Variants in CC2D2B observed in about 807,000 individuals in gnomAD.
CC2D2B encodes the protein coiled-coil and C2 domain containing 2B.
A neutral mutation model predicts 161.2 loss-of-function variants in CC2D2B; 128 were observed. The ratio of observed to expected loss-of-function variants is 0.79; its 90% CI spans 0.69 to 0.92. The LOEUF is 0.92. Among genes scored for constraint, CC2D2B ranks in the 40% least tolerant of loss-of-function variants. The pLI, the probability that CC2D2B is intolerant of heterozygous loss-of-function variation, is 0.00. For missense variants in CC2D2B, 1,173 were observed against 1,375.1 expected, an observed-to-expected ratio of 0.85 and a Z score of 2.32; for synonymous variants, 391 against 449.8, an observed-to-expected ratio of 0.87 and a Z score of 1.65.
At chr10:96,027,080 AC>A (rs1042852353) in intron 33 of CC2D2B, 131 bp from the exon 34 acceptor site, 2 of 580,664 alleles carry the variant, frequency 3.4e-6, no homozygotes, top group African/African-American at 3.9e-5. Flanking sequence ...CCAAGATCTC[AC>A]CATTGCACTC....
At chr10:96,000,075 G>A in intron 24 of CC2D2B, 1 of 1,482,940 alleles carries the variant, frequency 6.7e-7, no homozygotes, top group Admixed American at 1.8e-5. Flanking sequence ...GTTTTGCCGT[G>A]GTAACACCTG....
intron 34 of CC2D2B, 74 bp from the exon 35 acceptor site, chr10:96,031,746 A>G: frequency 7.8e-7 from 1 of 1,289,378 alleles, no homozygotes; most frequent in East Asian, 2.3e-5. Context: ...GGCTTTTGTG[A>G]TCTTTTTGCA....
chr10:95,972,594 G>A (rs2077175306), intron 16 of CC2D2B, among the ~76,000 whole-genome samples: 5 of 152,172 alleles, frequency 3.3e-5, no homozygotes, highest in Admixed American at 6.5e-5. Flanking sequence ...GATTACAGGC[G>A]TGAGCCACCG....
intron 21 of CC2D2B, 115 bp from the exon 22 acceptor site, chr10:95,992,412 A>G: frequency 2.5e-6 from 2 of 799,452 alleles, no homozygotes; most frequent in Non-Finnish European, 3.4e-6. Context: ...TCTCCCCTCC[A>G]TAATGCAGAG....
intron 34 of CC2D2B, among the ~76,000 whole-genome samples, 165 bp downstream of exon 34, chr10:96,027,554 G>A (rs1478186479): frequency 6.6e-6 from 1 of 152,102 alleles, no homozygotes; most frequent in Non-Finnish European, 1.5e-5. Flanking sequence ...TTGTTAAAAT[G>A]TCCATACTAC....
At chr10:95,995,674 TA>T (rs1381891608) in intron 23 of CC2D2B, among the ~76,000 whole-genome samples, 5 of 152,216 alleles carry the variant, frequency 3.3e-5, no homozygotes, top group Non-Finnish European at 4.4e-5. Flanking sequence ...ATGAGGCCTC[TA>T]CTAGTTGTTT....
At chr10:95,991,618 A>G (rs1161828723) in intron 21 of CC2D2B, among the ~76,000 whole-genome samples, 157 bp downstream of exon 21, 1 of 152,052 alleles carries the variant, frequency 6.6e-6, no homozygotes, top group African/African-American at 2.4e-5. Context: ...TATTTGGTCA[A>G]TTTAAAGTTG....
intron 33 of CC2D2B, among the ~76,000 whole-genome samples, chr10:96,025,788 C>T (rs2079745977): frequency 6.6e-6 from 1 of 152,192 alleles, no homozygotes; most frequent in Non-Finnish European, 1.5e-5. Context: ...CTAGATCTGA[C>T]TGCCTCCAGT....
chr10:96,000,235 G>C, intron 24 of CC2D2B: 1 of 1,241,646 alleles, frequency 8.1e-7, no homozygotes. Context: ...CTTTTCCTTT[G>C]CGTTCATCAT....
chr10:96,016,354 G>T, intron 30 of CC2D2B, 40 bp downstream of exon 30: 1 of 1,335,844 alleles, frequency 7.5e-7, no homozygotes, highest in Non-Finnish European at 1.1e-6. Flanking sequence ...GTAAGCAAAA[G>T]GAAATCAGAT....
In CC2D2B at chr10:95,922,034, A is replaced by T; in HGVS notation, c.55A>T (p.Asn19Tyr). ...TTTGCAGATGTCAGAAGAGATGGAT[A>T]ATATTACAGCTGAAGAAATTATAGA... Reference protein sequence around the residue: ...IFKKMSEEMDNITAEEIIDKH... With the variant: ...IFKKMSEEMDYITAEEIIDKH... The change falls in exon 3 of 35, where the codon AAT (asparagine) becomes TAT (tyrosine). Residue 19 changes from asparagine (N) to tyrosine (Y), a missense_variant. This residue lies in a region of CC2D2B where 298 missense variants were observed against 261.2 expected (regional missense o/e 1.14). Transcript: ENST00000646931. 6.5e-7 allele frequency: 1 copy of T among 1,543,698 alleles called. No homozygotes were observed. The highest frequency in any genetic ancestry group is 8.8e-7 in the Non-Finnish European group (1 of 1,141,598).
chr10:95,929,294 T>C (rs904508227), intron 6 of CC2D2B, among the ~76,000 whole-genome samples: 6 of 152,222 alleles, frequency 3.9e-5, no homozygotes, highest in Non-Finnish European at 4.4e-5. Context: ...TTCTGGATAT[T>C]AGCCCTTTTC....
At chr10:96,005,880 T>A (rs1347302779) in intron 25 of CC2D2B, among the ~76,000 whole-genome samples, 1 of 152,144 alleles carries the variant, frequency 6.6e-6, no homozygotes, top group East Asian at 1.9e-4. Context: ...TAAATACTTT[T>A]TTTAAAAAAA....
At chr10:95,962,850 TAATGTA>T (rs565488795) in intron 12 of CC2D2B, among the ~76,000 whole-genome samples, 103 of 151,304 alleles carry the variant, frequency 6.8e-4, no homozygotes, top group African/African-American at 2.4e-3. Context: ...ACTCCTAAAT[TAATGTA>T]AATGTAATGA....
chr10:96,025,385 A>AT, intron 33 of CC2D2B, among the ~76,000 whole-genome samples: 1 of 146,566 alleles, frequency 6.8e-6, no homozygotes. Context: ...AAAAAAAAAA[A>AT]GTTCCATTGA....
At chr10:95,951,078 C>T (rs984907124) in intron 10 of CC2D2B, among the ~76,000 whole-genome samples, 5 of 152,030 alleles carry the variant, frequency 3.3e-5, no homozygotes, top group African/African-American at 1.2e-4. Context: ...CTCGGCCTCC[C>T]AAAGTGCTGA....
intron 22 of CC2D2B, among the ~76,000 whole-genome samples, chr10:95,993,942 GTATGTATGTGTATATATATATA>G (rs1433226198): frequency 3.5e-4 from 9 of 25,384 alleles, no homozygotes; most frequent in South Asian, 2.6e-3. Context: ...GTGTGTGTGT[GTATGTATGTGTATATATATATA>G]TATATATATA....
chr10:95,928,880 CT>C (rs1476120866), intron 6 of CC2D2B, among the ~76,000 whole-genome samples: 1 of 152,064 alleles, frequency 6.6e-6, no homozygotes, highest in Non-Finnish European at 1.5e-5. Flanking sequence ...GTGCATGTGT[CT>C]TTATAGTAGC....
At chr10:95,928,336 A>G (rs1385241540) in intron 6 of CC2D2B, among the ~76,000 whole-genome samples, 1 of 152,116 alleles carries the variant, frequency 6.6e-6, no homozygotes, top group East Asian at 1.9e-4. Context: ...CTGAAATCCC[A>G]CTGCCCTAAG....
Sources: gnomAD v4.1 joint callset for allele counts (sites outside exome capture counted in the v4.1 genomes callset) on GRCh38, gnomAD v4.1.1 for gene constraint, gnomAD v4.1.1 regional missense constraint, MANE v1.5 for transcripts, NCBI Gene and HGNC (gene_info 2026-07-23, HGNC 2026-07-21) for gene names.